CPVL: variants seen among roughly 807,000 people sequenced by gnomAD.
The protein encoded by CPVL is probable serine carboxypeptidase CPVL.
Under a neutral mutation model 63.7 loss-of-function variants are expected in CPVL, and 51 were observed. That is an observed-to-expected ratio of 0.80 (90% CI 0.64 to 1.01). The LOEUF is 1.01. Ranked by LOEUF, CPVL falls within the 50% of genes least tolerant of loss-of-function variation. The pLI is 0.00. For synonymous variants in CPVL, 195 were observed against 206.0 expected, an observed-to-expected ratio of 0.95 and a Z score of 0.46; for missense variants, 530 against 573.1, an observed-to-expected ratio of 0.92 and a Z score of 0.77.
chr7:29,111,920 C>G (rs1040248935), intron 3 of CPVL, among the ~76,000 whole-genome samples: 2 of 152,202 alleles, frequency 1.3e-5, no homozygotes, highest in Non-Finnish European at 2.9e-5. Flanking sequence ...AGGATGAAAA[C>G]AGAAAATTAC....
intron 12 of CPVL, chr7:29,009,243 A>G (rs541616848): frequency 1.8e-4 from 28 of 151,710 alleles, no homozygotes; most frequent in Non-Finnish European, 2.8e-4. Context: ...AATACAAACC[A>G]TGACTTTTAG....
chr7:29,111,139 T>C (rs1788184690), intron 3 of CPVL, among the ~76,000 whole-genome samples: 1 of 152,272 alleles, frequency 6.6e-6, no homozygotes, highest in African/African-American at 2.4e-5. Flanking sequence ...TGTGGCAATT[T>C]GTTATAGCAG....
At position 29,008,494 on chromosome 7, in the gene CPVL, T is replaced by C. The variant is rs189123581; in HGVS notation, c.1321-12612A>G. Among the ~76,000 whole-genome samples, 12 of 152,238 alleles carry C rather than the reference T, an allele frequency of 7.9e-5. 1 individual carries two copies. In the East Asian group the frequency reaches 2.1e-3, roughly 27 times the overall value. On this transcript the variant is annotated intron_variant, in intron 12 of 12. Transcript: ENST00000265394. The stretch of plus-strand genomic sequence containing the variant: ...AACAATTTAAAACAGTTATTGAGAG[T>C]GTTCCTGAATAGCATCTTAAAACTT...
intron 3 of CPVL, among the ~76,000 whole-genome samples, chr7:29,098,276 G>A (rs1786659912): frequency 6.6e-6 from 1 of 152,188 alleles, no homozygotes; most frequent in Admixed American, 6.5e-5. Flanking sequence ...GAGCTGAGCA[G>A]AGTTCTAACC....
intron 5 of CPVL, among the ~76,000 whole-genome samples, chr7:29,176,247 A>G (rs912566435): frequency 1.3e-5 from 2 of 152,102 alleles, no homozygotes; most frequent in Admixed American, 6.5e-5. Context: ...TCTGACTACA[A>G]AGATCCAGAA....
intron 12 of CPVL, among the ~76,000 whole-genome samples, chr7:29,027,947 T>G (rs1171448081): frequency 6.6e-6 from 1 of 152,112 alleles, no homozygotes; most frequent in South Asian, 2.1e-4. Context: ...AAAATACCAA[T>G]GGCATTTGTC....
intron 11 of CPVL, among the ~76,000 whole-genome samples, chr7:29,035,644 T>G (rs1344577867): frequency 6.6e-6 from 1 of 152,220 alleles, no homozygotes; most frequent in Non-Finnish European, 1.5e-5. Context: ...GAGTGCGTGC[T>G]ACATCCCCAG....
At chr7:29,092,172 C>T (rs930140570) in intron 6 of CPVL, among the ~76,000 whole-genome samples, 1 of 134,152 alleles carries the variant, frequency 7.5e-6, no homozygotes, top group African/African-American at 3.2e-5. Context: ...TACAACTTTA[C>T]ATTTTTCCTT....
chr7:29,195,367 G>A (rs1033468082), upstream of CPVL: 3 of 233,650 alleles, frequency 1.3e-5, no homozygotes, highest in Non-Finnish European at 2.5e-5. Flanking sequence ...CCTGTTTGCC[G>A]TGCCGCGCCC....
At chr7:29,085,953 C>T (rs772594475) in intron 7 of CPVL, among the ~76,000 whole-genome samples, 7 of 152,150 alleles carry the variant, frequency 4.6e-5, no homozygotes, top group Non-Finnish European at 7.3e-5. Context: ...CTACCTAGTG[C>T]ACCCATGGTA....
intron 12 of CPVL, 145 bp from the exon 13 acceptor site, chr7:28,996,027 C>CCTAT: frequency 1.9e-6 from 1 of 516,286 alleles, no homozygotes; most frequent in South Asian, 3.4e-5. Flanking sequence ...GGACAAGCTG[C>CCTAT]CTATCTGGCT....
At chr7:29,118,627 C>T (rs1247916486) in intron 2 of CPVL, among the ~76,000 whole-genome samples, 2 of 152,172 alleles carry the variant, frequency 1.3e-5, no homozygotes, top group Non-Finnish European at 2.9e-5. Flanking sequence ...CTTACACATA[C>T]CCTTAAAATA....
chr7:29,011,036 C>T (rs1272280180), intron 12 of CPVL: 1 of 152,138 alleles, frequency 6.6e-6, no homozygotes, highest in Admixed American at 6.5e-5. Context: ...AATATGGTAA[C>T]AAAAGTAGTT....
intron 1 of CPVL, among the ~76,000 whole-genome samples, chr7:29,131,064 T>C (rs993451127): frequency 6.6e-6 from 1 of 152,114 alleles, no homozygotes. Context: ...TGTTCTTCTT[T>C]AGAATTGCCT....
intron 1 of CPVL, among the ~76,000 whole-genome samples, chr7:29,121,997 T>A (rs1789434908): frequency 6.6e-6 from 1 of 152,196 alleles, no homozygotes; most frequent in Non-Finnish European, 1.5e-5. Context: ...GATGTTTGCT[T>A]AGAATATTCA....
chr7:29,092,708 G>T lies in CPVL; in HGVS notation c.463-6C>A. The T allele has an allele frequency of 1.2e-6, 2 of 1,605,444 alleles. No individual in the cohort carries two copies. Among genetic ancestry groups the T allele is most frequent in the African/African-American group, 2.7e-5 (2 of 74,900 alleles). The stretch of plus-strand genomic sequence containing the variant: ...AAACTGAAGCCTGTGCCCACCTGCA[G>T]GAGAAATAAACACGCAGGTATAAAC... On this transcript the variant is annotated splice_region_variant and splice_polypyrimidine_tract_variant and intron_variant, in intron 5 of 12. Coordinates refer to ENST00000265394, the MANE Select transcript of CPVL (RefSeq NM_031311.5).
chr7:29,096,750 G>A (rs1786442925), intron 3 of CPVL, among the ~76,000 whole-genome samples: 1 of 151,958 alleles, frequency 6.6e-6, no homozygotes, highest in African/African-American at 2.4e-5. Flanking sequence ...TTGGGAGGCC[G>A]AGGCAGGCAG....
intron 11 of CPVL, among the ~76,000 whole-genome samples, chr7:29,053,970 G>C (rs1262866974): frequency 6.6e-6 from 1 of 152,110 alleles, no homozygotes; most frequent in Admixed American, 6.6e-5. Context: ...AGCTACTTGG[G>C]GGACTGAGGC....
intron 11 of CPVL, among the ~76,000 whole-genome samples, chr7:29,035,131 G>A (rs1039946239): frequency 1.3e-5 from 2 of 152,094 alleles, no homozygotes. Flanking sequence ...GATGAGAAAA[G>A]CATCTTTATT....
Sources: allele counts gnomAD v4.1 joint callset (sites outside exome capture counted in the v4.1 genomes callset), GRCh38; gene constraint gnomAD v4.1.1; transcripts MANE v1.5; gene names NCBI Gene and HGNC (gene_info 2026-07-23, HGNC 2026-07-21).